Variants in CDHR1 observed in about 807,000 individuals in gnomAD.
CDHR1 encodes cadherin-related family member 1.
Under a neutral mutation model 72.1 loss-of-function variants are expected in CDHR1, and 61 were observed. The observed-to-expected ratio is 0.85, with a 90% CI of 0.69 to 1.05. The LOEUF is 1.05. CDHR1 is among the 50% of genes least tolerant of loss of function. The pLI is 0.00. For missense variants in CDHR1, 1,186 were observed against 1,115.7 expected, an observed-to-expected ratio of 1.06 and a Z score of -0.90; for synonymous variants, 470 against 448.1, an observed-to-expected ratio of 1.05 and a Z score of -0.62.
chr10:84,218,990 T>A, downstream of CDHR1: 1 of 572,176 alleles, frequency 1.7e-6, no homozygotes. Flanking sequence ...CTCGTATAAT[T>A]ACCAGAATAA....
intron 3 of CDHR1, 97 bp from the exon 4 acceptor site, chr10:84,197,689 C>G: frequency 8.8e-7 from 1 of 1,141,138 alleles, no homozygotes; most frequent in Non-Finnish European, 1.3e-6. Context: ...CAGACCTCCT[C>G]TGATGGGTGC....
chr10:84,214,086 T>G lies in CDHR1; in HGVS notation c.2045T>G (p.Leu682Arg), dbSNP rs1316251867. 6 of 1,614,012 alleles carry G rather than the reference T, an allele frequency of 3.7e-6. No individual in the cohort carries two copies. The highest frequency in any genetic ancestry group is 4.2e-6 in the Non-Finnish European group (5 of 1,180,046). Residue 682 changes from leucine to arginine, a missense_variant, in exon 17 of 17, where the codon CTC (leucine) becomes CGC (arginine). Transcript: ENST00000623527. ...GGGAGTGGCTTTCTCTTTCAGACCC[T>G]CTCCCGGAGCCCCATGGCTGCCTTC... Reference protein sequence around the residue: ...LKIDITDAETLSRSPMAAFLI... With the variant: ...LKIDITDAETRSRSPMAAFLI...
rs114018171 is a variant in CDHR1 at position 84,212,938 on chromosome 10, T to C, written c.1783-153T>C. On this transcript the variant is annotated intron_variant, in intron 15 of 16. Transcript: ENST00000623527. ...GTAAACCCTGGCTTATAGGAGAGCA[T>C]GCATTCTGTTCCTTTCCCAACTCAA... 824 of 926,568 alleles carry C rather than the reference T, an allele frequency of 8.9e-4. 3 individuals are homozygous for C. In the African/African-American group the frequency reaches 0.012, roughly 13 times the overall value. The allele number at this position is 926,568 out of a possible 1,614,324, so 57.4% of individuals were successfully genotyped here. A position where few individuals can be genotyped will look rare whatever the true frequency, so the allele number is the denominator to read the frequency against.
chr10:84,202,903 C>A, intron 7 of CDHR1, 77 bp from the exon 8 acceptor site: 1 of 1,577,970 alleles, frequency 6.3e-7, no homozygotes, highest in Admixed American at 1.7e-5. Context: ...GTGGCAGAAG[C>A]CAGGTTTTCA....
chr10:84,214,966 A>G lies in CDHR1; in HGVS notation c.*345A>G, dbSNP rs1842404404. On this transcript the variant is annotated 3_prime_UTR_variant, in exon 17 of 17. Transcript: ENST00000623527. ...CCCATCCCAGACCTCACAGTCCCTC[A>G]GGTTCTACTGGGATCTCATCATCAT... The G allele has an allele frequency of 8.1e-7, 1 of 1,229,368 alleles. No homozygotes were observed. The highest frequency in any genetic ancestry group is 1.5e-5 in the African/African-American group (1 of 64,624). The allele number at this position is 1,229,368 out of a possible 1,614,324, so 76.2% of individuals were successfully genotyped here.
At chr10:84,196,096 C>T (rs1842025318) in intron 2 of CDHR1, among the ~76,000 whole-genome samples, 1 of 152,194 alleles carries the variant, frequency 6.6e-6, no homozygotes, top group Non-Finnish European at 1.5e-5. Context: ...GACAGTGGTG[C>T]ACTGTGGGTC....
chr10:84,214,766 C>T lies in CDHR1; in HGVS notation c.*145C>T. ...TAATCCCCACTGTCCTCATCTCTAC[C>T]GCCACCTTCTGGCGCAACAAGAAGT... On this transcript the variant is annotated 3_prime_UTR_variant, in exon 17 of 17. Coordinates refer to ENST00000623527, the MANE Select transcript of CDHR1 (RefSeq NM_033100.4). 6.4e-7 allele frequency: 1 copy of T among 1,561,640 alleles called. No homozygotes were observed.
chr10:84,214,190 G>A lies in CDHR1; in HGVS notation c.2149G>A (p.Val717Ile), dbSNP rs1202466043. ...CATGGCCACCGTCGTGGCCATCACT[G>A]TCCTCATCTCCACCGCCACCTTCTG... is the stretch of plus-strand genomic sequence containing the variant. ...GTMATVVAIT[V>I]LISTATFWRN... Residue 717 changes from valine to isoleucine, a missense_variant, in exon 17 of 17, where the codon GTC (valine) becomes ATC (isoleucine). Physicochemically the swap from Val to Ile is conservative, Grantham distance 29. Transcript: ENST00000623527. 4.3e-6 allele frequency: 7 copies of A among 1,614,028 alleles called. No individual in the cohort carries two copies. The Admixed American group carries it at 6.7e-5, about 15-fold the overall frequency.
intron 10 of CDHR1, among the ~76,000 whole-genome samples, chr10:84,207,732 G>A (rs74145752): frequency 0.026 from 3,882 of 152,188 alleles, 157 homozygotes; most frequent in African/African-American, 0.087. Context: ...CTGGGTCTTC[G>A]GTCTCCAGGT....
At chr10:84,203,572 G>C (rs1348445746) in intron 8 of CDHR1, among the ~76,000 whole-genome samples, 1 of 152,096 alleles carries the variant, frequency 6.6e-6, no homozygotes, top group African/African-American at 2.4e-5. Flanking sequence ...ACACCACCAT[G>C]CTCAGCTAAT....
In CDHR1 at chr10:84,196,536, C is replaced by A. The variant is rs141545088; in HGVS notation, c.183C>A (p.Asp61Glu). 3.1e-6 allele frequency: 5 copies of A among 1,614,230 alleles called. No individual in the cohort carries two copies. Among genetic ancestry groups the A allele is most frequent in the Non-Finnish European group, 3.4e-6 (4 of 1,180,038 alleles). ...GSHVYTLNGT[D>E]PEGDPISYHI... ...ACGTATACACCCTGAATGGGACAGA[C>A]CCTGAGGGAGACCCCATCTCCTACC... Residue 61 changes from aspartate to glutamate, a missense_variant, in exon 3 of 17, where the codon GAC becomes GAA. By Grantham distance (45) the Asp-to-Glu change is conservative (BLOSUM62 2). Transcript: ENST00000623527.
downstream of CDHR1, chr10:84,218,829 C>A: frequency 1.1e-6 from 1 of 945,096 alleles, no homozygotes; most frequent in South Asian, 5.1e-5. Flanking sequence ...TGTGATATTC[C>A]AAATGGCCCT....
intron 12 of CDHR1, 141 bp from the exon 13 acceptor site, chr10:84,210,860 G>C (rs1159659987): frequency 3.3e-6 from 3 of 907,334 alleles, no homozygotes; most frequent in Non-Finnish European, 5.5e-6. Flanking sequence ...GACCCTTACA[G>C]GAATAGCTGG....
chr10:84,219,136 A>G, downstream of CDHR1: 1 of 1,535,204 alleles, frequency 6.5e-7, no homozygotes, highest in Non-Finnish European at 8.8e-7. Context: ...AAAGTCAGTA[A>G]GAAAACCAAA....
At position 84,194,810 on chromosome 10, in the gene CDHR1, G is replaced by T; in HGVS notation, c.50G>T (p.Cys17Phe). 1 of 1,532,964 alleles carries T rather than the reference G, an allele frequency of 6.5e-7. No individual in the cohort carries two copies. Among genetic ancestry groups the T allele is most frequent in the Non-Finnish European group, 8.7e-7 (1 of 1,146,014 alleles). The allele number at this position is 1,532,964 out of a possible 1,614,324, so 95.0% of individuals were successfully genotyped here. The part of the protein sequence containing the change: ...AALALGLLRL[C>F]LAQANFAPHF... ...CTGGCCCTGGGGCTGCTGCGCCTCT[G>T]CTTGGGTGAGTGGCCGCTGGGCCGC... The change falls in exon 1 of 17, where the codon TGC becomes TTC. Residue 17 changes from cysteine to phenylalanine, a missense_variant. Coordinates refer to ENST00000623527, the MANE Select transcript of CDHR1 (RefSeq NM_033100.4).
intron 4 of CDHR1, among the ~76,000 whole-genome samples, chr10:84,198,340 G>A (rs549238313): frequency 2.8e-4 from 42 of 152,312 alleles, no homozygotes; most frequent in Non-Finnish European, 4.1e-4. Context: ...ACTGGCCTCC[G>A]CCACTGGCGG....
chr10:84,214,508 A>G lies in CDHR1; in HGVS notation c.2467A>G (p.Thr823Ala). The G allele has an allele frequency of 6.2e-7, 1 of 1,605,190 alleles. No homozygotes were observed. Among genetic ancestry groups the G allele is most frequent in the Non-Finnish European group, 8.5e-7 (1 of 1,179,538 alleles). The change falls in exon 17 of 17, where the codon ACC (threonine) becomes GCC (alanine). Residue 823 changes from threonine (T) to alanine (A), a missense_variant. Coordinates refer to ENST00000623527, the MANE Select transcript of CDHR1 (RefSeq NM_033100.4). ...TVSGSLTPQPTQPPPKPKTMG... is the reference protein window; with the variant it reads ...TVSGSLTPQPAQPPPKPKTMG... ...CTCTGGCTCTCTCACTCCGCAGCCGACCCAACCCCCGCCAAAACCCAAAAC... is the reference window on the plus strand; with the variant it reads ...CTCTGGCTCTCTCACTCCGCAGCCGGCCCAACCCCCGCCAAAACCCAAAAC...
rs1262711678 is a variant in CDHR1, at chr10:84,195,562, T to C, written c.124T>C (p.Phe42Leu). 6.2e-7 allele frequency: 1 copy of C among 1,614,022 alleles called. No homozygotes were observed. Among genetic ancestry groups the C allele is most frequent in the Non-Finnish European group, 8.5e-7 (1 of 1,179,992 alleles). The change falls in exon 2 of 17, where the codon TTC (phenylalanine) becomes CTC (leucine). Residue 42 changes from phenylalanine (F) to leucine (L), a missense_variant. Coordinates refer to ENST00000623527, the MANE Select transcript of CDHR1 (RefSeq NM_033100.4). ...CAGCACCAACGGAAACATGGCTCTG[T>C]TCAGCCTCCCAGAGGACACCCCTGT... is the stretch of plus-strand genomic sequence containing the variant. ...VGSTNGNMAL[F>L]SLPEDTPVGS...
In CDHR1 at chr10:84,195,478, T is replaced by C. The variant is rs369064214; in HGVS notation, c.56-16T>C. 4.2e-5 allele frequency: 68 copies of C among 1,611,324 alleles called. No individual in the cohort carries two copies. The highest frequency in any genetic ancestry group is 5.6e-5 in the Non-Finnish European group (66 of 1,178,280). On this transcript the variant is annotated splice_polypyrimidine_tract_variant and intron_variant, in intron 1 of 16. Coordinates refer to ENST00000623527, the MANE Select transcript of CDHR1 (RefSeq NM_033100.4). ...CCTTTGCCTGGGTGTCCGTCTGTTC[T>C]GTGTTCTTTTTCCAGCTCAGGCCAA... is the stretch of plus-strand genomic sequence containing the variant.
Sources: allele counts gnomAD v4.1 joint callset (sites outside exome capture counted in the v4.1 genomes callset), GRCh38; gene constraint gnomAD v4.1.1; transcripts MANE v1.5; gene names NCBI Gene and HGNC (gene_info 2026-07-23, HGNC 2026-07-21).